The following CRABP1 variants were observed in gnomAD, a reference collection of about 807,000 sequenced individuals.
CRABP1 encodes cellular retinoic acid-binding protein 1.
CRABP1 carries 9 observed loss-of-function variants against 16.4 expected under a neutral mutation model. That is an observed-to-expected ratio of 0.55 (90% CI 0.33 to 0.96). CRABP1 has a LOEUF of 0.96. Ranked by LOEUF, CRABP1 falls within the 40% of genes least tolerant of loss-of-function variation. The pLI is 0.03. For missense variants in CRABP1, 157 were observed against 186.0 expected (o/e 0.84, Z 0.91); for synonymous variants, 72 against 70.4 (o/e 1.02, Z -0.11).
At position 78,347,994 on chromosome 15, in the gene CRABP1, C is replaced by T. The variant is rs774475704; in HGVS notation, c.*17C>T. ...CGAGAGTGAAGGCAGCTGGCTTGCT[C>T]CTACTTTCAGGAAGGGATGCAGGCT... On this transcript the variant is annotated 3_prime_UTR_variant, in exon 4 of 4. Transcript: ENST00000299529. 12 of 1,613,486 alleles carry T rather than the reference C, an allele frequency of 7.4e-6. No homozygotes were observed. The East Asian group carries it at 2.7e-4, about 36-fold the overall frequency.
At chr15:78,342,355 C>T (rs1267189832) in intron 2 of CRABP1, among the ~76,000 whole-genome samples, 1 of 151,728 alleles carries the variant, frequency 6.6e-6, no homozygotes, top group Non-Finnish European at 1.5e-5. Flanking sequence ...TTGGCTACTG[C>T]CAGGAAGGGT....
At chr15:78,347,301 C>G (rs893636673) in intron 3 of CRABP1, among the ~76,000 whole-genome samples, 5 of 152,192 alleles carry the variant, frequency 3.3e-5, no homozygotes, top group African/African-American at 1.2e-4. Flanking sequence ...CCAAACAGGC[C>G]ACGAGAGGAA....
Position 78,341,036 on chromosome 15 carries a change from T to C in CRABP1, c.71-7T>C. 6.2e-7 allele frequency: 1 copy of C among 1,604,724 alleles called. No individual in the cohort carries two copies. The highest frequency in any genetic ancestry group is 2.2e-5 in the East Asian group (1 of 44,820). ...CGTGACCCAAGCCTGTGGTGCACCC[T>C]GCGCAGGTGTGAACGCCATGCTGAG... is the stretch of plus-strand genomic sequence containing the variant. On this transcript the variant is annotated splice_region_variant and splice_polypyrimidine_tract_variant and intron_variant, in intron 1 of 3. Coordinates refer to ENST00000299529, the MANE Select transcript of CRABP1 (RefSeq NM_004378.3). This position sits in a 1 kb window ranked among gnomAD's most constrained non-coding sequence, Gnocchi z 5.3.
At position 78,341,261 on chromosome 15, in the gene CRABP1, C is replaced by T; in HGVS notation, c.249+40C>T. The T allele has an allele frequency of 6.3e-7, 1 of 1,578,840 alleles. No individual in the cohort carries two copies. On this transcript the variant is annotated intron_variant, in intron 2 of 3. Transcript: ENST00000299529. This position sits in a 1 kb window ranked among gnomAD's most constrained non-coding sequence, Gnocchi z 5.3. ...CCACTACAGCGTCCCCGTGTCCCCG[C>T]TCGGTGCCCATGGCCCACTGCTGCT...
intron 3 of CRABP1, among the ~76,000 whole-genome samples, chr15:78,346,991 T>TG (rs1267256637): frequency 1.4e-5 from 2 of 147,292 alleles, no homozygotes; most frequent in African/African-American, 5.4e-5. Flanking sequence ...GTTTTTGTTT[T>TG]TGTTTTTTTT....
chr15:78,340,534 A>G, intron 1 of CRABP1, 36 bp downstream of exon 1: 1 of 1,593,136 alleles, frequency 6.3e-7, no homozygotes, highest in South Asian at 1.1e-5. Context: ...CGACGGGGAG[A>G]TGCGGCCCGG....
rs2050234485 is a variant in CRABP1 at position 78,341,475 on chromosome 15, G to T, written c.249+254G>T. ...TGCTAACAGCCGCGCTTAAAGAGCG[G>T]GCTCTGGGTTGCGCCGCGTTCCCAG... On this transcript the variant is annotated intron_variant, in intron 2 of 3. Coordinates refer to ENST00000299529, the MANE Select transcript of CRABP1 (RefSeq NM_004378.3). This position sits in a 1 kb window ranked among gnomAD's most constrained non-coding sequence, Gnocchi z 5.3. The T allele has an allele frequency of 8.2e-6, 4 of 489,148 alleles. No homozygotes were observed. In the Admixed American group the frequency reaches 1.3e-4, roughly 16 times the overall value. The allele number at this position is 489,148 out of a possible 1,614,324, so 30.3% of individuals were successfully genotyped here. A position where few individuals can be genotyped will look rare whatever the true frequency, so the allele number is the denominator to read the frequency against.
rs2050234165 is a variant in CRABP1, at chr15:78,341,437, C to G, written c.249+216C>G. The G allele has an allele frequency of 1.5e-5, 9 of 583,596 alleles. No homozygotes were observed. In the East Asian group the frequency reaches 2.9e-4, roughly 19 times the overall value. 36.2% of individuals were successfully genotyped at this position (583,596 alleles called of 1,614,324 possible). A position where few individuals can be genotyped will look rare whatever the true frequency, so the allele number is the denominator to read the frequency against. On this transcript the variant is annotated intron_variant, in intron 2 of 3. Coordinates refer to ENST00000299529, the MANE Select transcript of CRABP1 (RefSeq NM_004378.3). The surrounding 1 kb of genome is among the most constrained non-coding windows in gnomAD (Gnocchi z 5.3). ...ATTCCATCTCAACCCCATCCCTACG[C>G]TGCCTCCCGGGGTGCTAACAGCCGC... is the stretch of plus-strand genomic sequence containing the variant.
chr15:78,342,486 C>T (rs971024944), intron 2 of CRABP1, among the ~76,000 whole-genome samples: 1 of 151,800 alleles, frequency 6.6e-6, no homozygotes, highest in Non-Finnish European at 1.5e-5. Flanking sequence ...TAGTTAAAAA[C>T]TGATTATGTG....
At chr15:78,347,860 G>A (rs1841662681) in intron 3 of CRABP1, 67 bp from the exon 4 acceptor site, 2 of 1,469,584 alleles carry the variant, frequency 1.4e-6, no homozygotes, top group African/African-American at 2.8e-5. Context: ...CCTTATTAGT[G>A]ATATGCTTTA....
At position 78,343,583 on chromosome 15, in the gene CRABP1, C is replaced by T. The variant is rs1413883282; in HGVS notation, c.334C>T (p.Arg112Cys). Residue 112 changes from arginine to cysteine, a missense_variant, in exon 3 of 4, where the codon CGT becomes TGT. Coordinates refer to ENST00000299529, the MANE Select transcript of CRABP1 (RefSeq NM_004378.3). ...GGACGGCCCCAAAACCTACTGGACC[C>T]GTGAGCTGGCCAACGATGAACTTAT... ...EGDGPKTYWT[R>C]ELANDELILT... 4.3e-6 allele frequency: 7 copies of T among 1,614,030 alleles called. No homozygotes were observed. Among genetic ancestry groups the T allele is most frequent in the African/African-American group, 1.3e-5 (1 of 74,936 alleles).
chr15:78,342,000 ATT>A lies in CRABP1; in HGVS notation c.249+790_249+791del, dbSNP rs550221322. Among the ~76,000 whole-genome samples, 1 of 147,182 alleles carries A rather than the reference ATT, an allele frequency of 6.8e-6. No individual in the cohort carries two copies. Among genetic ancestry groups the A allele is most frequent in the Non-Finnish European group, 1.5e-5 (1 of 66,344 alleles). ...CAGAATGTCTCCCTCCCCTTCTCCA[ATT>A]TTTTTTTTTTAAAGAAAAAAGTCGT... is the stretch of plus-strand genomic sequence containing the variant. On this transcript the variant is annotated intron_variant, in intron 2 of 3. Transcript: ENST00000299529. This position sits in a 1 kb window ranked among gnomAD's most constrained non-coding sequence, Gnocchi z 5.3.
chr15:78,347,752 G>A, intron 3 of CRABP1, 175 bp from the exon 4 acceptor site: 1 of 628,150 alleles, frequency 1.6e-6, no homozygotes, highest in Non-Finnish European at 2.8e-6. Flanking sequence ...TACCAATAGC[G>A]CTTAAGGGGG....
rs78554547 is a variant in CRABP1 at position 78,347,974 on chromosome 15, G to A, written c.411G>A (p.Glu137=). Residue 137 remains glutamate (E), a synonymous_variant, in exon 4 of 4, where the codon GAG becomes GAA. Coordinates refer to ENST00000299529, the MANE Select transcript of CRABP1 (RefSeq NM_004378.3). ...TCTGCACCAGAATTTATGTCCGAGAGTGAAGGCAGCTGGCTTGCTCCTACT... is the reference window on the plus strand; with the variant it reads ...TCTGCACCAGAATTTATGTCCGAGAATGAAGGCAGCTGGCTTGCTCCTACT... The part of the protein sequence containing the change: ...DVVCTRIYVR[E] The A allele has an allele frequency of 7.9e-4, 1,273 of 1,614,186 alleles. 5 individuals are homozygous for A. In the African/African-American group the frequency reaches 0.013, roughly 16 times the overall value.
rs750245245 is a variant in CRABP1 at position 78,343,491 on chromosome 15, G to A, written c.250-8G>A. 11 of 1,610,610 alleles carry A rather than the reference G, an allele frequency of 6.8e-6. No homozygotes were observed. The highest frequency in any genetic ancestry group is 4.0e-5 in the African/African-American group (3 of 74,844). On this transcript the variant is annotated splice_region_variant and splice_polypyrimidine_tract_variant and intron_variant, in intron 2 of 3. Coordinates refer to ENST00000299529, the MANE Select transcript of CRABP1 (RefSeq NM_004378.3). ...AATTAATGTCACTAATGGTTTTCCC[G>A]CCTGCAGAGTTTAGCCACTTGGGAG...
chr15:78,342,170 T>C (rs2050239178), intron 2 of CRABP1, among the ~76,000 whole-genome samples: 1 of 152,012 alleles, frequency 6.6e-6, no homozygotes, highest in Admixed American at 6.5e-5. Flanking sequence ...TAGGAGGCAA[T>C]CTTTGGCTCC....
chr15:78,341,364 G>T lies in CRABP1; in HGVS notation c.249+143G>T. 1.1e-6 allele frequency: 1 copy of T among 916,288 alleles called. No individual in the cohort carries two copies. The allele number at this position is 916,288 out of a possible 1,614,324, so 56.8% of individuals were successfully genotyped here. ...GTGTACACTGGCTGTTTGCAGAGGG[G>T]GTTTGTGCATCCTAGTTGCCCCTGG... On this transcript the variant is annotated intron_variant, in intron 2 of 3. Transcript: ENST00000299529. This position sits in a 1 kb window ranked among gnomAD's most constrained non-coding sequence, Gnocchi z 5.3.
At position 78,341,545 on chromosome 15, in the gene CRABP1, A is replaced by C; in HGVS notation, c.249+324A>C. On this transcript the variant is annotated intron_variant, in intron 2 of 3. Coordinates refer to ENST00000299529, the MANE Select transcript of CRABP1 (RefSeq NM_004378.3). The surrounding 1 kb of genome is among the most constrained non-coding windows in gnomAD (Gnocchi z 5.3). ...TTGCAGCGCCAAGCGCAGGCGGCGC[A>C]GGAGGAGGAGGAGGTTGCAGGAGCC... The C allele has an allele frequency of 9.1e-6, 3 of 330,618 alleles. No individual in the cohort carries two copies. Among genetic ancestry groups the C allele is most frequent in the South Asian group, 5.3e-5 (2 of 37,742 alleles). 20.5% of individuals were successfully genotyped at this position (330,618 alleles called of 1,614,324 possible).
intron 2 of CRABP1, among the ~76,000 whole-genome samples, chr15:78,342,377 A>T (rs938200482): frequency 6.0e-4 from 82 of 137,244 alleles, no homozygotes; most frequent in Non-Finnish European, 6.9e-4. Context: ...ATTCTGATTT[A>T]AAAAAAAAAA....
Sources: gnomAD v4.1 joint callset for allele counts (sites outside exome capture counted in the v4.1 genomes callset) on GRCh38, gnomAD v4.1.1 for gene constraint, Gnocchi (gnomAD v3.1) non-coding constraint, MANE v1.5 for transcripts, NCBI Gene and HGNC (gene_info 2026-07-23, HGNC 2026-07-21) for gene names.